TCERG1L: variants seen among roughly 807,000 people sequenced by gnomAD.
The protein encoded by TCERG1L is transcription elongation regulator 1 like.
In TCERG1L, 37 loss-of-function variants were observed where a neutral mutation model predicts 56.3. That is an observed-to-expected ratio of 0.66 (90% confidence interval 0.51 to 0.87). The LOEUF is 0.87. Among genes scored for constraint, TCERG1L ranks in the 40% least tolerant of loss-of-function variants. TCERG1L has a pLI of 0.00. For synonymous variants in TCERG1L, 324 were observed against 326.3 expected (o/e 0.99, Z 0.08); for missense variants, 799 against 774.2 (o/e 1.03, Z -0.38).
chr10:131,195,704 C>T (rs1243650840), intron 4 of TCERG1L, among the ~76,000 whole-genome samples: 2 of 152,218 alleles, frequency 1.3e-5, no homozygotes, highest in African/African-American at 2.4e-5. Context: ...GTCCTTCCCT[C>T]GGCCTGCTGT....
At chr10:131,124,802 C>A (rs1398208522) in intron 8 of TCERG1L, among the ~76,000 whole-genome samples, 2 of 152,248 alleles carry the variant, frequency 1.3e-5, no homozygotes, top group Non-Finnish European at 2.9e-5. Context: ...AATGCGTGGT[C>A]TCTGAGCTCG....
intron 3 of TCERG1L, among the ~76,000 whole-genome samples, chr10:131,284,012 A>G (rs1356641597): frequency 2.6e-5 from 4 of 151,864 alleles, no homozygotes; most frequent in Non-Finnish European, 5.9e-5. Flanking sequence ...AATCCCAGCT[A>G]CTTGGGAGGC....
intron 4 of TCERG1L, among the ~76,000 whole-genome samples, chr10:131,187,611 A>G (rs1468856321): frequency 1.1e-4 from 16 of 152,136 alleles, no homozygotes; most frequent in Admixed American, 1.0e-3. Context: ...ATGGTGGAAA[A>G]CCAAAGGCCA....
Position 131,163,189 on chromosome 10 carries a change from C to T in TCERG1L, c.967G>A (p.Gly323Arg), listed in dbSNP as rs1309828550. Residue 323 changes from glycine (G) to arginine (R), a missense_variant, in exon 6 of 12, where the codon GGA (glycine) becomes AGA (arginine). Gly to Arg is a moderately radical substitution (Grantham distance 125). Coordinates refer to ENST00000368642, the MANE Select transcript of TCERG1L (RefSeq NM_174937.4). ...EDKEPPPMLG[G>R]GEDSTARGNR... Reference sequence around the variant, plus strand: ...CCTCTGGCTGTGCTGTCCTCTCCTCCCCCCAGCATCGGTGGAGGCTCCTTT... The same window carrying T: ...CCTCTGGCTGTGCTGTCCTCTCCTCTCCCCAGCATCGGTGGAGGCTCCTTT... The T allele has an allele frequency of 6.4e-7, 1 of 1,558,494 alleles. No individual in the cohort carries two copies. The highest frequency in any genetic ancestry group is 2.4e-5 in the East Asian group (1 of 42,366).
chr10:131,145,937 CCT>C (rs1481431047), intron 7 of TCERG1L, among the ~76,000 whole-genome samples: 1 of 152,198 alleles, frequency 6.6e-6, no homozygotes, highest in Non-Finnish European at 1.5e-5. Context: ...GCTGAAAGTT[CCT>C]CTCTGTTTCT....
Position 131,243,410 on chromosome 10 carries a change from G to A in TCERG1L, c.856+16849C>T, listed in dbSNP as rs567264108. On this transcript the variant is annotated intron_variant, in intron 4 of 11. Coordinates refer to ENST00000368642, the MANE Select transcript of TCERG1L (RefSeq NM_174937.4). ...CAGCGTAGCCAACGTTGCAAACCCCGTCTCTACTAAAAATACAGAAATTAG... is the reference window on the plus strand; with the variant it reads ...CAGCGTAGCCAACGTTGCAAACCCCATCTCTACTAAAAATACAGAAATTAG... Among the ~76,000 whole-genome samples the A allele has an allele frequency of 3.3e-5, 5 of 152,184 alleles. No homozygotes were observed. The East Asian group carries it at 5.8e-4, about 18-fold the overall frequency.
At chr10:131,250,238 T>A (rs1446272977) in intron 4 of TCERG1L, among the ~76,000 whole-genome samples, 2 of 152,174 alleles carry the variant, frequency 1.3e-5, no homozygotes, top group Non-Finnish European at 2.9e-5. Flanking sequence ...GCAAGTGGCC[T>A]GGAGGGTCAT....
chr10:131,115,835 A>C (rs530529256), intron 9 of TCERG1L, among the ~76,000 whole-genome samples: 2 of 152,236 alleles, frequency 1.3e-5, no homozygotes, highest in South Asian at 4.1e-4. Context: ...CTCAGCCCTA[A>C]CTAACCCTGT....
chr10:131,243,878 T>C (rs978737884), intron 4 of TCERG1L, among the ~76,000 whole-genome samples: 4 of 152,192 alleles, frequency 2.6e-5, no homozygotes, highest in Admixed American at 2.0e-4. Context: ...GCCCAAGAAC[T>C]GTCCAACTGA....
chr10:131,137,691 T>A (rs1173085180), intron 7 of TCERG1L, among the ~76,000 whole-genome samples: 2 of 152,232 alleles, frequency 1.3e-5, no homozygotes, highest in East Asian at 3.9e-4. Context: ...ATGTGTATAA[T>A]ATTGGTAATT....
intron 3 of TCERG1L, among the ~76,000 whole-genome samples, chr10:131,299,545 T>C (rs1846737443): frequency 7.1e-6 from 1 of 141,422 alleles, no homozygotes; most frequent in Non-Finnish European, 1.6e-5. Context: ...ATCTTCATCT[T>C]AGAGGGAAAA....
Position 131,254,540 on chromosome 10 carries a change from C to T in TCERG1L, c.856+5719G>A, listed in dbSNP as rs568253190. 2.0e-5 allele frequency among the ~76,000 whole-genome samples: 3 copies of T among 152,170 alleles called. No individual in the cohort carries two copies. In the East Asian group the frequency reaches 5.9e-4, roughly 30 times the overall value. Reference sequence around the variant, plus strand: ...CTGACAAAGGTCCTTGAGAAGTGAACTCCAGCTCCTCTGCAGAAAATAGGG... The same window carrying T: ...CTGACAAAGGTCCTTGAGAAGTGAATTCCAGCTCCTCTGCAGAAAATAGGG... On this transcript the variant is annotated intron_variant, in intron 4 of 11. Coordinates refer to ENST00000368642, the MANE Select transcript of TCERG1L (RefSeq NM_174937.4).
intron 3 of TCERG1L, among the ~76,000 whole-genome samples, chr10:131,284,170 C>A (rs1846495469): frequency 6.7e-6 from 1 of 149,514 alleles, no homozygotes; most frequent in Non-Finnish European, 1.5e-5. Context: ...AGATATCAGG[C>A]CATAAAACAA....
chr10:131,144,628 T>C (rs765214906), intron 7 of TCERG1L, among the ~76,000 whole-genome samples: 3 of 152,156 alleles, frequency 2.0e-5, no homozygotes, highest in Non-Finnish European at 2.9e-5. Flanking sequence ...CCTCTCTTTA[T>C]ATGAGGAGGG....
intron 7 of TCERG1L, among the ~76,000 whole-genome samples, chr10:131,143,392 C>T (rs74947927): frequency 0.32 from 48,286 of 151,896 alleles, 7,847 homozygotes; most frequent in East Asian, 0.42. Flanking sequence ...GGAAAGAGGC[C>T]AGGGTATGTA....
intron 8 of TCERG1L, among the ~76,000 whole-genome samples, chr10:131,131,909 C>T (rs1180490352): frequency 6.6e-6 from 1 of 152,232 alleles, no homozygotes; most frequent in Non-Finnish European, 1.5e-5. Context: ...GGCATGTTCT[C>T]TAACTATCTG....
chr10:131,153,767 T>G lies in TCERG1L; in HGVS notation c.1035-7107A>C, dbSNP rs181028408. On this transcript the variant is annotated intron_variant, in intron 6 of 11. Coordinates refer to ENST00000368642, the MANE Select transcript of TCERG1L (RefSeq NM_174937.4). ...CAAAGTGTGGGGAAACAGCTTCCAATTCCCAGTAAAGAGTGGAGCTAATTA... is the reference window on the plus strand; with the variant it reads ...CAAAGTGTGGGGAAACAGCTTCCAAGTCCCAGTAAAGAGTGGAGCTAATTA... Among the ~76,000 whole-genome samples the G allele has an allele frequency of 3.7e-4, 56 of 152,228 alleles. No individual in the cohort carries two copies. In the East Asian group the frequency reaches 9.3e-3, roughly 25 times the overall value.
At chr10:131,299,718 T>C (rs956335191) in intron 3 of TCERG1L, among the ~76,000 whole-genome samples, 3 of 152,156 alleles carry the variant, frequency 2.0e-5, no homozygotes, top group Admixed American at 1.3e-4. Flanking sequence ...GACATACTTA[T>C]ATCTTCAAAA....
At chr10:131,254,735 C>T (rs569972406) in intron 4 of TCERG1L, among the ~76,000 whole-genome samples, 64 of 152,184 alleles carry the variant, frequency 4.2e-4, no homozygotes, top group Admixed American at 8.5e-4. Flanking sequence ...GGCGTCAGGA[C>T]GACCTCTGGT....
Sources: gnomAD v4.1 joint callset for allele counts (sites outside exome capture counted in the v4.1 genomes callset) on GRCh38, gnomAD v4.1.1 for gene constraint, MANE v1.5 for transcripts, NCBI Gene and HGNC (gene_info 2026-07-23, HGNC 2026-07-21) for gene names.